Variants in PLXNA2 observed in about 807,000 individuals in gnomAD.
The protein encoded by PLXNA2 is plexin A2.
In PLXNA2, 91 loss-of-function variants were observed where a neutral mutation model predicts 193.5. That is an observed-to-expected ratio of 0.47 (90% CI 0.40 to 0.56). The LOEUF (loss-of-function observed/expected upper bound fraction) is 0.56, where lower values mean the gene tolerates loss of function less well. PLXNA2 is among the 20% of genes least tolerant of loss of function. The pLI is 0.00. For missense variants in PLXNA2, 1,995 were observed against 2,503.2 expected, an observed-to-expected ratio of 0.80 and a Z score of 4.33; for synonymous variants, 997 against 1,027.3, an observed-to-expected ratio of 0.97 and a Z score of 0.56.
intron 1 of PLXNA2, among the ~76,000 whole-genome samples, chr1:208,232,376 C>T (rs1671718954): frequency 6.6e-6 from 1 of 152,230 alleles, no homozygotes; most frequent in South Asian, 2.1e-4. Context: ...CCTCTCCTTA[C>T]CCATCTCCTC....
Position 208,038,622 on chromosome 1 carries a change from A to C in PLXNA2, c.4661-148T>G, listed in dbSNP as rs557828988. On this transcript the variant is annotated intron_variant, in intron 25 of 31. Transcript: ENST00000367033. This position sits in a 1 kb window ranked among gnomAD's most constrained non-coding sequence, Gnocchi z 4.1. ...AGAGGCTAGAGACATCTAGGGCTCC[A>C]TGGGCCCAGGCAGCAGAGGAAACAC... 2.5e-6 allele frequency: 2 copies of C among 788,552 alleles called. No homozygotes were observed. The highest frequency in any genetic ancestry group is 3.3e-5 in the South Asian group (2 of 61,108). 48.8% of individuals were successfully genotyped at this position (788,552 alleles called of 1,614,324 possible). A position where few individuals can be genotyped will look rare whatever the true frequency, so the allele number is the denominator to read the frequency against.
chr1:208,049,880 A>G (rs1448937295), intron 17 of PLXNA2, among the ~76,000 whole-genome samples: 1 of 152,194 alleles, frequency 6.6e-6, no homozygotes, highest in Non-Finnish European at 1.5e-5. Context: ...TCTCCATCTT[A>G]GTCTAGTCAA....
rs770905104 is a variant in PLXNA2, at chr1:208,051,421, C to T, written c.2996G>A (p.Arg999Lys). The T allele has an allele frequency of 3.7e-6, 6 of 1,608,752 alleles. No individual in the cohort carries two copies. Among genetic ancestry groups the T allele is most frequent in the African/African-American group, 1.3e-5 (1 of 74,640 alleles). Residue 999 changes from arginine (R) to lysine (K), a missense_variant and splice_region_variant, in exon 16 of 32, where the codon AGG becomes AAG. By Grantham distance (26) the Arg-to-Lys change is conservative. This residue lies in a region of PLXNA2 where 1,291 missense variants were observed against 1,673.6 expected (regional missense o/e 0.77). Coordinates refer to ENST00000367033, the MANE Select transcript of PLXNA2 (RefSeq NM_025179.4). ...LGNQTCEFYG[R>K]SMSEIVCVSP... ...GACACACACGATCTCACTCATTGACCTCCTGACAGGGAGACAGCAGGAGGG... is the reference window on the plus strand; with the variant it reads ...GACACACACGATCTCACTCATTGACTTCCTGACAGGGAGACAGCAGGAGGG...
Position 208,221,907 on chromosome 1 carries a change from TATG to T in PLXNA2, c.-80-3908_-80-3906del, listed in dbSNP as rs569646884. ...ACTTGGTCAAGGTACTTAGCCATTC[TATG>T]ATGTTATCTAACTATCTATATAAAA... On this transcript the variant is annotated intron_variant, in intron 1 of 31. Transcript: ENST00000367033. 6.6e-3 allele frequency among the ~76,000 whole-genome samples: 1,011 copies of T among 152,374 alleles called. 5 individuals carry two copies. The highest frequency in any genetic ancestry group is 0.01 in the Non-Finnish European group (687 of 68,042).
chr1:208,227,672 C>T (rs562129610), intron 1 of PLXNA2, among the ~76,000 whole-genome samples: 2 of 152,232 alleles, frequency 1.3e-5, no homozygotes, highest in East Asian at 3.9e-4. Flanking sequence ...CACAGGAGTC[C>T]TGGTTATCAA....
chr1:208,178,157 G>A (rs1421826432), intron 3 of PLXNA2, among the ~76,000 whole-genome samples: 1 of 152,124 alleles, frequency 6.6e-6, no homozygotes, highest in Non-Finnish European at 1.5e-5. Context: ...AAAGAGCAAA[G>A]GTCACGCTCC....
intron 4 of PLXNA2, among the ~76,000 whole-genome samples, chr1:208,118,901 G>A (rs376637650): frequency 9.3e-4 from 141 of 152,206 alleles, no homozygotes; most frequent in Admixed American, 2.6e-3. Context: ...ATGTAATTAG[G>A]TGCTCACTGA....
At chr1:208,076,299 G>C (rs1425055526) in intron 12 of PLXNA2, among the ~76,000 whole-genome samples, 1 of 151,956 alleles carries the variant, frequency 6.6e-6, no homozygotes, top group Non-Finnish European at 1.5e-5. Flanking sequence ...GGCTGTTCTT[G>C]AACTCCTGGC....
At position 208,052,338 on chromosome 1, in the gene PLXNA2, G is replaced by A. The variant is rs1002521996; in HGVS notation, c.2982C>T (p.Cys994=). 3.7e-6 allele frequency: 6 copies of A among 1,612,822 alleles called. No homozygotes were observed. The highest frequency in any genetic ancestry group is 3.3e-5 in the Admixed American group (2 of 60,002). Residue 994 remains cysteine (C), a synonymous_variant, in exon 15 of 32, where the codon TGC becomes TGT. Coordinates refer to ENST00000367033, the MANE Select transcript of PLXNA2 (RefSeq NM_025179.4). The stretch of plus-strand genomic sequence containing the variant: ...CAAGTTTATCTCACCCGTAGAACTC[G>A]CAGGTCTGGTTGCCCAGGTAGACTG... The part of the protein sequence containing the change: ...SVAVYLGNQT[C]EFYGRSMSEI...
intron 4 of PLXNA2, among the ~76,000 whole-genome samples, chr1:208,118,742 C>T (rs1228154723): frequency 6.6e-6 from 1 of 151,646 alleles, no homozygotes; most frequent in East Asian, 1.9e-4. Flanking sequence ...GACAAAGATA[C>T]ATTTTTTTTC....
intron 1 of PLXNA2, among the ~76,000 whole-genome samples, chr1:208,242,689 G>A (rs762307146): frequency 6.6e-6 from 1 of 152,164 alleles, no homozygotes; most frequent in Non-Finnish European, 1.5e-5. Flanking sequence ...TCCCTCCTGA[G>A]CAGAGCTGAG....
intron 12 of PLXNA2, among the ~76,000 whole-genome samples, chr1:208,078,460 G>T: frequency 6.6e-6 from 1 of 152,202 alleles, no homozygotes; most frequent in East Asian, 1.9e-4. Context: ...GGCAGAAAAG[G>T]AGCAGCCTCT....
At chr1:208,227,194 A>G (rs930878310) in intron 1 of PLXNA2, among the ~76,000 whole-genome samples, 1 of 152,244 alleles carries the variant, frequency 6.6e-6, no homozygotes, top group African/African-American at 2.4e-5. Flanking sequence ...TCTAATGACC[A>G]TGAGTAGCAA....
intron 11 of PLXNA2, among the ~76,000 whole-genome samples, chr1:208,080,868 TCACA>T (rs374951840): frequency 1.9e-3 from 292 of 152,318 alleles, no homozygotes; most frequent in African/African-American, 6.9e-3. Flanking sequence ...TCATCTGAGT[TCACA>T]CAGCTGTAAG....
At chr1:208,066,678 C>A (rs1333694033) in intron 12 of PLXNA2, among the ~76,000 whole-genome samples, 8 of 151,960 alleles carry the variant, frequency 5.3e-5, no homozygotes, top group Admixed American at 1.3e-4. Context: ...AAAAAGCTAA[C>A]TGGAAAACAG....
At chr1:208,220,689 G>T (rs1351163944) in intron 1 of PLXNA2, among the ~76,000 whole-genome samples, 2 of 150,906 alleles carry the variant, frequency 1.3e-5, no homozygotes, top group African/African-American at 4.9e-5. Flanking sequence ...TGATCCACCT[G>T]CCTTGGCCTC....
chr1:208,151,160 G>C (rs1668752475), intron 3 of PLXNA2, among the ~76,000 whole-genome samples: 1 of 152,224 alleles, frequency 6.6e-6, no homozygotes, highest in Non-Finnish European at 1.5e-5. Flanking sequence ...CAGAAGCAAA[G>C]CAATAATTCA....
In PLXNA2 at chr1:208,085,099, T is replaced by TA. The variant is rs1553277667; in HGVS notation, c.2098-520dup. ...CACTTGCTCTGTTTTTTTTTTTTTT[T>TA]AATCTCATTTCATTACCAGGCCCTG... is the stretch of plus-strand genomic sequence containing the variant. On this transcript the variant is annotated intron_variant, in intron 9 of 31. Transcript: ENST00000367033. Among the ~76,000 whole-genome samples the TA allele has an allele frequency of 9.3e-4, 141 of 151,566 alleles. 1 individual carries two copies. The highest frequency in any genetic ancestry group is 3.2e-3 in the African/African-American group (132 of 41,360).
chr1:208,047,208 G>A (rs890241772), intron 17 of PLXNA2, among the ~76,000 whole-genome samples: 1 of 152,136 alleles, frequency 6.6e-6, no homozygotes, highest in African/African-American at 2.4e-5. Context: ...TGATCCGCCC[G>A]CTTCGGCCTC....
Sources: allele counts gnomAD v4.1 joint callset (sites outside exome capture counted in the v4.1 genomes callset), GRCh38; gene constraint gnomAD v4.1.1; regional missense constraint gnomAD v4.1.1; non-coding constraint Gnocchi (gnomAD v3.1); transcripts MANE v1.5; gene names NCBI Gene and HGNC (gene_info 2026-07-23, HGNC 2026-07-21).